The following COL4A5 variants were observed in gnomAD, a reference collection of about 807,000 sequenced individuals.
COL4A5 encodes the protein collagen alpha-5(IV) chain.
In COL4A5, 26 loss-of-function variants were observed where a neutral mutation model predicts 130.2. The observed-to-expected ratio is 0.20, with a 90% CI of 0.15 to 0.28. The LOEUF is 0.28. Among genes scored for constraint, COL4A5 ranks in the 10% least tolerant of loss-of-function variants. The pLI is 1.00. For synonymous variants in COL4A5, 496 were observed against 439.6 expected (o/e 1.13, Z -1.60); for missense variants, 1,131 against 1,344.3 (o/e 0.84, Z 2.48).
At position 108,439,975 on chromosome X, in the gene COL4A5, C is replaced by A; in HGVS notation, c.-151C>A. 4.4e-6 allele frequency: 2 copies of A among 451,710 alleles called. No individual in the cohort carries two copies. The highest frequency in any genetic ancestry group is 3.9e-5 in the East Asian group (1 of 25,911). The allele number at this position is 451,710 out of a possible 1,213,427, so 37.2% of individuals were successfully genotyped here. ...TTCTTCTTCTTTTTTTTTTCTTCCACTCTTAAAAAGCTTCTTTCTCTTCAC... is the reference window on the plus strand; with the variant it reads ...TTCTTCTTCTTTTTTTTTTCTTCCAATCTTAAAAAGCTTCTTTCTCTTCAC... On this transcript the variant is annotated 5_prime_UTR_variant, in exon 1 of 53. Transcript: ENST00000328300.
intron 1 of COL4A5, among the ~76,000 whole-genome samples, chrX:108,461,078 T>C (rs193188410): frequency 9.0e-6 from 1 of 111,426 alleles, no homozygotes; most frequent in East Asian, 2.8e-4. Context: ...AAAAGACTAA[T>C]GTTGTAAATT....
At chrX:108,552,528 G>C (rs913876108) in intron 2 of COL4A5, among the ~76,000 whole-genome samples, 1 of 111,717 alleles carries the variant, frequency 9.0e-6, no homozygotes, top group African/African-American at 3.3e-5. Context: ...TTATAATAGT[G>C]CCATTTAAAA....
chrX:108,647,737 T>G (rs941907087), intron 36 of COL4A5, among the ~76,000 whole-genome samples: 1 of 111,895 alleles, frequency 8.9e-6, no homozygotes, highest in South Asian at 3.7e-4. Flanking sequence ...ATAGCTCTTA[T>G]TATTTTGAGA....
At chrX:108,685,994 T>C (rs966378982) in intron 47 of COL4A5, 37 bp from the exon 48 acceptor site, 1 of 1,058,865 alleles carries the variant, frequency 9.4e-7, no homozygotes, top group African/African-American at 1.8e-5. Context: ...GTGAAAATAT[T>C]CTACTCATAT....
intron 36 of COL4A5, among the ~76,000 whole-genome samples, chrX:108,645,706 A>G (rs1192985317): frequency 9.4e-6 from 1 of 106,657 alleles, no homozygotes; most frequent in African/African-American, 3.5e-5. Flanking sequence ...CATTAGGTAT[A>G]TCTCCTAATG....
intron 30 of COL4A5, among the ~76,000 whole-genome samples, chrX:108,617,677 C>A (rs1210883324): frequency 8.9e-6 from 1 of 111,777 alleles, no homozygotes; most frequent in Non-Finnish European, 1.9e-5. Context: ...TTTTCTTTGG[C>A]CATTACCTGT....
chrX:108,540,927 G>A (rs1035915885), intron 2 of COL4A5, among the ~76,000 whole-genome samples: 5 of 111,963 alleles, frequency 4.5e-5, no homozygotes, highest in Non-Finnish European at 7.5e-5. Context: ...CTAGGAGATG[G>A]GATCATACTC....
At chrX:108,534,826 A>G (rs774395097) in intron 1 of COL4A5, among the ~76,000 whole-genome samples, 1 of 110,584 alleles carries the variant, frequency 9.0e-6, no homozygotes, top group African/African-American at 3.3e-5. Flanking sequence ...ATGCCATTGA[A>G]TCTGTTTGGT....
At chrX:108,658,069 T>G (rs1168809884) in intron 37 of COL4A5, among the ~76,000 whole-genome samples, 1 of 111,076 alleles carries the variant, frequency 9.0e-6, no homozygotes, top group Non-Finnish European at 1.9e-5. Flanking sequence ...ATTTTTCCAT[T>G]AAATGTAATG....
At position 108,507,247 on chromosome X, in the gene COL4A5, C is replaced by A. The variant is rs28865103; in HGVS notation, c.82-32499C>A. 6.1e-3 allele frequency among the ~76,000 whole-genome samples: 306 copies of A among 50,478 alleles called. 2 individuals carry two copies. The highest frequency in any genetic ancestry group is 0.015 in the Middle Eastern group (1 of 66). The allele number at this position is 50,478 out of a possible 115,157, so 43.8% of individuals were successfully genotyped here. On this transcript the variant is annotated intron_variant, in intron 1 of 52. Coordinates refer to ENST00000328300, the MANE Select transcript of COL4A5 (RefSeq NM_033380.3). ...CCTGGCAGAAACACAACAACAACAA[C>A]AAAAAAAAAAAAAAGAAAAAAAAAA...
chrX:108,669,397 A>T (rs1337132890), intron 41 of COL4A5, among the ~76,000 whole-genome samples: 2 of 112,507 alleles, frequency 1.8e-5, no homozygotes, highest in African/African-American at 6.5e-5. Flanking sequence ...AGTAAAATCT[A>T]AAGTGATTGG....
chrX:108,461,721 G>A (rs1277469215), intron 1 of COL4A5, among the ~76,000 whole-genome samples: 2 of 110,800 alleles, frequency 1.8e-5, no homozygotes, highest in Non-Finnish European at 3.8e-5. Context: ...AGCCTCCCAA[G>A]TAGCTGGGAT....
intron 30 of COL4A5, among the ~76,000 whole-genome samples, chrX:108,619,517 T>G (rs1029057562): frequency 8.9e-6 from 1 of 111,832 alleles, no homozygotes; most frequent in Non-Finnish European, 1.9e-5. Flanking sequence ...ACCTTGCTTT[T>G]GGGGGAAAAT....
intron 1 of COL4A5, among the ~76,000 whole-genome samples, chrX:108,468,172 A>G (rs2064727478): frequency 8.9e-6 from 1 of 112,024 alleles, no homozygotes; most frequent in Non-Finnish European, 1.9e-5. Flanking sequence ...CCATCACATG[A>G]AATCAGGTGT....
intron 2 of COL4A5, among the ~76,000 whole-genome samples, chrX:108,550,920 C>T (rs1380494569): frequency 9.0e-6 from 1 of 111,149 alleles, no homozygotes; most frequent in Non-Finnish European, 1.9e-5. Context: ...ATAAATGGTG[C>T]TGTGATAACT....
chrX:108,445,642 G>A (rs1035042990), intron 1 of COL4A5, among the ~76,000 whole-genome samples: 34 of 111,342 alleles, frequency 3.1e-4, no homozygotes, highest in African/African-American at 8.5e-4. Context: ...TCCCAGTTTC[G>A]TATCTGCATG....
At chrX:108,526,492 T>C (rs1454949577) in intron 1 of COL4A5, among the ~76,000 whole-genome samples, 1 of 109,156 alleles carries the variant, frequency 9.2e-6, no homozygotes, top group Non-Finnish European at 1.9e-5. Flanking sequence ...TCTTCCTTTC[T>C]TTCTTTCTCT....
intron 1 of COL4A5, among the ~76,000 whole-genome samples, chrX:108,456,407 C>T (rs1478035527): frequency 8.9e-6 from 1 of 111,900 alleles, no homozygotes; most frequent in African/African-American, 3.2e-5. Context: ...AATATAGTCT[C>T]TAATCAAGAT....
At position 108,601,945 on chromosome X, in the gene COL4A5, C is replaced by T; in HGVS notation, c.2102C>T (p.Pro701Leu). 3 of 1,168,393 alleles carry T rather than the reference C, an allele frequency of 2.6e-6. No homozygotes were observed. The highest frequency in any genetic ancestry group is 2.3e-6 in the Non-Finnish European group (2 of 868,865). The change falls in exon 27 of 53, where the codon CCA becomes CTA. Residue 701 changes from proline (P) to leucine (L), a missense_variant. Transcript: ENST00000328300. ...GGGATACCTGGTAGCAAAGGAGAAC[C>T]AGGTATCCCTGGAATTGGGCTTCCT... is the stretch of plus-strand genomic sequence containing the variant. ...LPGIPGSKGE[P>L]GIPGIGLPGP...
Sources: allele counts gnomAD v4.1 joint callset (sites outside exome capture counted in the v4.1 genomes callset), GRCh38; gene constraint gnomAD v4.1.1; transcripts MANE v1.5; gene names NCBI Gene and HGNC (gene_info 2026-07-23, HGNC 2026-07-21).